Variants in NR6A1 observed in about 807,000 individuals in gnomAD.
NR6A1 encodes the protein nuclear receptor subfamily 6 group A member 1, also known as retinoic acid receptor-related testis-associated receptor.
A neutral mutation model predicts 59.1 loss-of-function variants in NR6A1; 7 were observed. That is an observed-to-expected ratio of 0.12 (90% CI 0.07 to 0.22). The LOEUF is 0.22. Ranked by LOEUF, NR6A1 falls within the 10% of genes least tolerant of loss-of-function variation. The probability of loss-of-function intolerance (pLI) is 1.00; values close to 1 mark genes in which losing one functional copy is unlikely to be tolerated. For synonymous variants in NR6A1, 243 were observed against 236.1 expected, an observed-to-expected ratio of 1.03 and a Z score of -0.27; for missense variants, 468 against 611.6, an observed-to-expected ratio of 0.77 and a Z score of 2.48.
At chr9:124,631,655 C>A (rs942904748) in intron 2 of NR6A1, among the ~76,000 whole-genome samples, 1 of 151,948 alleles carries the variant, frequency 6.6e-6, no homozygotes, top group Non-Finnish European at 1.5e-5. Flanking sequence ...CAGCTACCTG[C>A]ATTTTTTTTT....
intron 2 of NR6A1, among the ~76,000 whole-genome samples, chr9:124,633,402 CAAAAAAAA>C (rs11337023): frequency 4.1e-5 from 3 of 72,762 alleles, no homozygotes; most frequent in East Asian, 3.8e-4. Flanking sequence ...AACTCCGTCT[CAAAAAAAA>C]AAAAAAAAAA....
chr9:124,589,473 T>TA (rs933703307), intron 2 of NR6A1, among the ~76,000 whole-genome samples: 4 of 151,628 alleles, frequency 2.6e-5, no homozygotes, highest in African/African-American at 7.3e-5. Context: ...AAATAAAAAA[T>TA]AAAAAAAATA....
At chr9:124,629,403 A>G (rs952507165) in intron 2 of NR6A1, among the ~76,000 whole-genome samples, 2 of 119,538 alleles carry the variant, frequency 1.7e-5, no homozygotes, top group African/African-American at 5.8e-5. Context: ...TTAGTTTCAA[A>G]ACACATTTCT....
intron 4 of NR6A1, 128 bp downstream of exon 4, chr9:124,543,674 T>G (rs1833512886): frequency 3.1e-6 from 2 of 647,700 alleles, no homozygotes; most frequent in Non-Finnish European, 5.1e-6. Flanking sequence ...TAAAAGCACT[T>G]TTACAGAAAT....
At position 124,526,885 on chromosome 9, in the gene NR6A1, C is replaced by G. The variant is rs147642867; in HGVS notation, c.1095G>C (p.Gly365=). The G allele has an allele frequency of 1.9e-4, 299 of 1,613,994 alleles. 1 individual carries two copies. The African/African-American group carries it at 3.7e-3, about 20-fold the overall frequency. ...DEELHRFSDE[G]MEVIERLIYL... is the part of the protein sequence containing the mutation. ...AGATGAGCCGCTCGATCACCTCCATCCCTTCATCACTAAATCTGAGGAACA... is the reference window on the plus strand; with the variant it reads ...AGATGAGCCGCTCGATCACCTCCATGCCTTCATCACTAAATCTGAGGAACA... Residue 365 remains glycine (G), a synonymous_variant, in exon 8 of 10, where the codon GGG becomes GGC. Transcript: ENST00000487099.
chr9:124,739,676 TATC>T (rs1339159847), intron 1 of NR6A1, among the ~76,000 whole-genome samples: 1 of 152,252 alleles, frequency 6.6e-6, no homozygotes, highest in African/African-American at 2.4e-5. Context: ...TGTGACTGGC[TATC>T]ATGAGAGATT....
intron 2 of NR6A1, among the ~76,000 whole-genome samples, chr9:124,629,799 T>G (rs1264693195): frequency 1.3e-5 from 2 of 152,220 alleles, no homozygotes; most frequent in Non-Finnish European, 2.9e-5. Context: ...AGAACAACTA[T>G]GCCTGCCAAG....
intron 2 of NR6A1, among the ~76,000 whole-genome samples, chr9:124,609,069 T>C (rs1449572337): frequency 6.6e-6 from 1 of 152,230 alleles, no homozygotes; most frequent in East Asian, 1.9e-4. Context: ...GAAAATTTTC[T>C]CCCATTCTAT....
chr9:124,562,880 T>A (rs1230037771), intron 2 of NR6A1, among the ~76,000 whole-genome samples: 2 of 152,176 alleles, frequency 1.3e-5, no homozygotes, highest in African/African-American at 4.8e-5. Flanking sequence ...TCTGCTGAAA[T>A]AAATGGATAT....
At chr9:124,743,700 G>A (rs10115723) in intron 1 of NR6A1, among the ~76,000 whole-genome samples, 5,651 of 152,230 alleles carry the variant, frequency 0.037, 335 homozygotes, top group African/African-American at 0.13. Context: ...AAAAAATAAA[G>A]ACAGTACACA....
At chr9:124,764,682 G>C (rs1840883131) in intron 1 of NR6A1, among the ~76,000 whole-genome samples, 1 of 152,172 alleles carries the variant, frequency 6.6e-6, no homozygotes, top group South Asian at 2.1e-4. Context: ...TACATTCTCT[G>C]CTAATAATAC....
intron 2 of NR6A1, among the ~76,000 whole-genome samples, chr9:124,714,302 G>A (rs1157416540): frequency 6.6e-6 from 1 of 152,208 alleles, no homozygotes; most frequent in Non-Finnish European, 1.5e-5. Context: ...TATGTGGATG[G>A]ATGCTGGTGA....
chr9:124,678,348 C>A (rs1019015193), intron 2 of NR6A1, among the ~76,000 whole-genome samples: 1 of 152,196 alleles, frequency 6.6e-6, no homozygotes, highest in African/African-American at 2.4e-5. Flanking sequence ...CATATCATCA[C>A]CCTTCGTTAA....
chr9:124,704,135 C>T (rs1038818217), intron 2 of NR6A1, among the ~76,000 whole-genome samples: 3 of 152,206 alleles, frequency 2.0e-5, no homozygotes, highest in East Asian at 3.8e-4. Flanking sequence ...TCCATTTCAT[C>T]TAAGTTGTCT....
intron 2 of NR6A1, among the ~76,000 whole-genome samples, chr9:124,606,740 G>C (rs1385937125): frequency 6.6e-6 from 1 of 152,166 alleles, no homozygotes; most frequent in Non-Finnish European, 1.5e-5. Flanking sequence ...GTGACAGTGA[G>C]GTAATTTAAC....
In NR6A1 at chr9:124,706,519, A is replaced by ATT. The variant is rs572173571; in HGVS notation, c.142+26787_142+26788dup. ...TTTGCTAGATACAGAACATTTAACA[A>ATT]TTTTTTTTTTTTTGAGATAGTCTCG... On this transcript the variant is annotated intron_variant, in intron 2 of 9. Coordinates refer to ENST00000487099, the MANE Select transcript of NR6A1 (RefSeq NM_033334.4). 4.8e-5 allele frequency among the ~76,000 whole-genome samples: 7 copies of ATT among 146,968 alleles called. No homozygotes were observed. The South Asian group carries it at 6.5e-4, about 14-fold the overall frequency.
At chr9:124,550,735 T>C (rs1265437461) in intron 3 of NR6A1, among the ~76,000 whole-genome samples, 1 of 151,968 alleles carries the variant, frequency 6.6e-6, no homozygotes, top group Non-Finnish European at 1.5e-5. Flanking sequence ...GGAGTCTCAC[T>C]ATGCTGCCCA....
At chr9:124,678,313 T>C (rs1215229169) in intron 2 of NR6A1, among the ~76,000 whole-genome samples, 1 of 152,168 alleles carries the variant, frequency 6.6e-6, no homozygotes, top group African/African-American at 2.4e-5. Context: ...TCTCTTGGAG[T>C]AACGTCCTAA....
intron 2 of NR6A1, among the ~76,000 whole-genome samples, chr9:124,698,842 C>G (rs1227173611): frequency 6.6e-6 from 1 of 152,078 alleles, no homozygotes. Flanking sequence ...GCCACAGAAC[C>G]CATGAACTTA....
Sources: allele counts gnomAD v4.1 joint callset (sites outside exome capture counted in the v4.1 genomes callset), GRCh38; gene constraint gnomAD v4.1.1; transcripts MANE v1.5; gene names NCBI Gene and HGNC (gene_info 2026-07-23, HGNC 2026-07-21).